Variants in CTNNA2 observed in about 807,000 individuals in gnomAD.
The protein encoded by CTNNA2 is catenin alpha 2.
CTNNA2 carries 42 observed loss-of-function variants against 101.0 expected under a neutral mutation model. The ratio of observed to expected loss-of-function variants is 0.42; its 90% CI spans 0.32 to 0.54. The LOEUF is 0.54. CTNNA2 is among the 20% of genes least tolerant of loss of function. The probability of loss-of-function intolerance (pLI) is 0.14; values close to 1 mark genes in which losing one functional copy is unlikely to be tolerated. For synonymous variants in CTNNA2, 450 were observed against 456.4 expected (o/e 0.99, Z 0.18); for missense variants, 871 against 1,223.1 (o/e 0.71, Z 4.29).
chr2:80,094,345 G>T (rs1242205240), intron 7 of CTNNA2, among the ~76,000 whole-genome samples: 9 of 152,070 alleles, frequency 5.9e-5, no homozygotes, highest in Non-Finnish European at 1.0e-4. Context: ...TGAGGGCTCT[G>T]TTCTGTTCCA....
At chr2:80,559,891 T>TATATATATATATATACACAC (rs1553387588) in intron 12 of CTNNA2, among the ~76,000 whole-genome samples, 9 of 146,882 alleles carry the variant, frequency 6.1e-5, no homozygotes, top group African/African-American at 2.4e-4. Context: ...TATATATATA[T>TATATATATATATATACACAC]ACACACACAT....
At chr2:80,238,566 TGCATAATG>T (rs1362520913) in intron 7 of CTNNA2, among the ~76,000 whole-genome samples, 1 of 152,130 alleles carries the variant, frequency 6.6e-6, no homozygotes, top group Non-Finnish European at 1.5e-5. Context: ...GAGAGGCCCC[TGCATAATG>T]ATAGCTCACT....
At chr2:79,794,673 AACTT>A (rs1426306445) in intron 3 of CTNNA2, among the ~76,000 whole-genome samples, 3 of 152,210 alleles carry the variant, frequency 2.0e-5, no homozygotes, top group Admixed American at 1.3e-4. Context: ...AGATCTCCAT[AACTT>A]ACTTATCTTG....
intron 7 of CTNNA2, among the ~76,000 whole-genome samples, chr2:80,254,530 A>C (rs2149111504): frequency 6.6e-6 from 1 of 152,298 alleles, no homozygotes; most frequent in African/African-American, 2.4e-5. Flanking sequence ...ACAGGTTTCC[A>C]GAGCTAAGCT....
intron 7 of CTNNA2, among the ~76,000 whole-genome samples, chr2:80,245,822 T>TTTTTTTTTTTTTTTTTTTTTTTTTTG (rs1558937542): frequency 3.7e-5 from 5 of 135,548 alleles, no homozygotes; most frequent in African/African-American, 1.4e-4. Flanking sequence ...TTTTTTTTTT[T>TTTTTTTTTTTTTTTTTTTTTTTTTTG]TGCACTCTGT....
At chr2:80,476,209 G>T (rs972298131) in intron 9 of CTNNA2, among the ~76,000 whole-genome samples, 2 of 152,122 alleles carry the variant, frequency 1.3e-5, no homozygotes, top group Non-Finnish European at 2.9e-5. Flanking sequence ...CAAATGTGTA[G>T]AGATATCTGA....
At chr2:80,263,826 G>A (rs899384515) in intron 7 of CTNNA2, among the ~76,000 whole-genome samples, 3 of 152,174 alleles carry the variant, frequency 2.0e-5, no homozygotes. Context: ...TGGTTCCACT[G>A]TTCCACTGAA....
chr2:79,786,029 A>G (rs573078704), intron 3 of CTNNA2, among the ~76,000 whole-genome samples: 1 of 152,296 alleles, frequency 6.6e-6, no homozygotes, highest in African/African-American at 2.4e-5. Flanking sequence ...TCTCCTGTTA[A>G]GGGTGGTCTT....
chr2:80,161,294 G>A (rs577545354), intron 7 of CTNNA2, among the ~76,000 whole-genome samples: 6 of 152,144 alleles, frequency 3.9e-5, no homozygotes, highest in Admixed American at 3.9e-4. Flanking sequence ...GGGATTACAG[G>A]CGTGAGCCCC....
chr2:80,354,033 A>T (rs1017168607), intron 7 of CTNNA2, among the ~76,000 whole-genome samples: 41 of 152,242 alleles, frequency 2.7e-4, no homozygotes, highest in Middle Eastern at 3.4e-3. Context: ...ATGGAGGTAA[A>T]TGAGAGAACC....
chr2:79,431,542 T>C (rs1337494351), intron 4 of CTNNA2, among the ~76,000 whole-genome samples: 1 of 152,176 alleles, frequency 6.6e-6, no homozygotes, highest in Admixed American at 6.6e-5. Context: ...CACGTGTTAC[T>C]CCTGCCCACA....
chr2:79,523,644 T>C (rs896446542), intron 1 of CTNNA2, among the ~76,000 whole-genome samples: 5 of 152,164 alleles, frequency 3.3e-5, no homozygotes, highest in African/African-American at 4.8e-5. Flanking sequence ...AGTCATAAGG[T>C]CTGTGAATTT....
At chr2:80,488,321 T>G (rs1686764261) in intron 9 of CTNNA2, among the ~76,000 whole-genome samples, 1 of 152,158 alleles carries the variant, frequency 6.6e-6, no homozygotes, top group Non-Finnish European at 1.5e-5. Flanking sequence ...ATTTTTGTTT[T>G]TTTTCCCACC....
intron 5 of CTNNA2, among the ~76,000 whole-genome samples, chr2:79,871,476 T>C (rs544215202): frequency 2.0e-5 from 3 of 152,222 alleles, no homozygotes; most frequent in Admixed American, 1.3e-4. Context: ...TCTAGAAGCC[T>C]AGGAATCTGG....
At chr2:79,521,011 C>G (rs2103872469) in intron 1 of CTNNA2, among the ~76,000 whole-genome samples, 1 of 150,968 alleles carries the variant, frequency 6.6e-6, no homozygotes, top group Admixed American at 6.6e-5. Flanking sequence ...AAATTAATAA[C>G]AGCATACTCA....
At chr2:80,460,383 TA>T (rs1309953576) in intron 9 of CTNNA2, among the ~76,000 whole-genome samples, 25 of 152,272 alleles carry the variant, frequency 1.6e-4, no homozygotes, top group African/African-American at 5.1e-4. Flanking sequence ...CAGTGCTTTT[TA>T]GATCTTAACA....
intron 12 of CTNNA2, among the ~76,000 whole-genome samples, chr2:80,568,908 G>A (rs1286365377): frequency 3.9e-5 from 6 of 152,170 alleles, no homozygotes; most frequent in African/African-American, 1.4e-4. Flanking sequence ...GCAGATAATA[G>A]ATGCTTTTTG....
chr2:80,431,725 T>C (rs2149426672), intron 9 of CTNNA2, among the ~76,000 whole-genome samples: 1 of 152,280 alleles, frequency 6.6e-6, no homozygotes, highest in East Asian at 1.9e-4. Context: ...TGATCCGATG[T>C]CTGAAACACA....
intron 7 of CTNNA2, among the ~76,000 whole-genome samples, chr2:79,979,208 A>G (rs1691080890): frequency 6.6e-6 from 1 of 152,122 alleles, no homozygotes; most frequent in African/African-American, 2.4e-5. Context: ...GCATAGTGAG[A>G]CTTCATTTCC....
Sources: gnomAD v4.1 joint callset for allele counts (sites outside exome capture counted in the v4.1 genomes callset) on GRCh38, gnomAD v4.1.1 for gene constraint, MANE v1.5 for transcripts, NCBI Gene and HGNC (gene_info 2026-07-23, HGNC 2026-07-21) for gene names.